MLLT3: variants seen among roughly 807,000 people sequenced by gnomAD.
MLLT3 encodes protein AF-9.
Under a neutral mutation model 53.2 loss-of-function variants are expected in MLLT3, and 4 were observed. That is an observed-to-expected ratio of 0.08 (90% CI 0.04 to 0.17). The LOEUF (loss-of-function observed/expected upper bound fraction) is 0.17, where lower values mean the gene tolerates loss of function less well. Among genes scored for constraint, MLLT3 ranks in the 10% least tolerant of loss-of-function variants. The pLI is 1.00. For synonymous variants in MLLT3, 283 were observed against 230.6 expected, an observed-to-expected ratio of 1.23 and a Z score of -2.06; for missense variants, 569 against 684.0, an observed-to-expected ratio of 0.83 and a Z score of 1.87.
chr9:20,555,509 A>G (rs1819034608), intron 2 of MLLT3, among the ~76,000 whole-genome samples: 2 of 152,180 alleles, frequency 1.3e-5, no homozygotes, highest in African/African-American at 2.4e-5. Context: ...TCACTACTCT[A>G]CTACATTCTA....
chr9:20,576,155 A>G (rs1477584696), intron 2 of MLLT3, among the ~76,000 whole-genome samples: 1 of 152,110 alleles, frequency 6.6e-6, no homozygotes, highest in Non-Finnish European at 1.5e-5. Flanking sequence ...ACAACCTCCA[A>G]ACTATTCTTC....
At chr9:20,409,747 C>G (rs1460607274) in intron 5 of MLLT3, among the ~76,000 whole-genome samples, 2 of 152,196 alleles carry the variant, frequency 1.3e-5, no homozygotes, top group Non-Finnish European at 2.9e-5. Flanking sequence ...CTACCAAATT[C>G]TTCTGTAGGG....
rs769905422 is a variant in MLLT3 at position 20,622,303 on chromosome 9, C to CT, written c.-48dup. 42 of 1,495,226 alleles carry CT rather than the reference C, an allele frequency of 2.8e-5. No individual in the cohort carries two copies. In the South Asian group the frequency reaches 5.2e-4, roughly 18 times the overall value. 92.6% of individuals were successfully genotyped at this position (1,495,226 alleles called of 1,614,324 possible). ...CTGGGGTGTTGTGTGGTACCCCCCC[C>CT]TCCTCCGCCCCCCCTCAGCTGTAAT... On this transcript the variant is annotated 5_prime_UTR_variant, in exon 1 of 11. Transcript: ENST00000380338.
intron 2 of MLLT3, among the ~76,000 whole-genome samples, chr9:20,457,648 G>T (rs901722878): frequency 2.0e-5 from 3 of 151,864 alleles, no homozygotes; most frequent in African/African-American, 7.3e-5. Context: ...CCACCCAAAA[G>T]GAATGTTTAC....
intron 5 of MLLT3, among the ~76,000 whole-genome samples, chr9:20,386,636 C>G (rs1438470806): frequency 1.3e-5 from 2 of 152,070 alleles, no homozygotes; most frequent in Non-Finnish European, 2.9e-5. Context: ...GCCCCAAACT[C>G]CTATTCTAAA....
At chr9:20,403,377 T>G (rs574226872) in intron 5 of MLLT3, among the ~76,000 whole-genome samples, 50 of 152,344 alleles carry the variant, frequency 3.3e-4, no homozygotes, top group African/African-American at 1.1e-3. Context: ...GAGCTGTTAA[T>G]GTATCTACAG....
intron 2 of MLLT3, among the ~76,000 whole-genome samples, chr9:20,617,151 C>T (rs948520438): frequency 1.3e-5 from 2 of 152,292 alleles, no homozygotes; most frequent in Admixed American, 6.5e-5. Flanking sequence ...AGTCACTCAT[C>T]TTCATTTTGT....
chr9:20,504,906 G>A (rs1313904185), intron 2 of MLLT3, among the ~76,000 whole-genome samples: 1 of 151,834 alleles, frequency 6.6e-6, no homozygotes, highest in African/African-American at 2.4e-5. Flanking sequence ...AACTTGATGA[G>A]ACCCATGTTT....
intron 2 of MLLT3, among the ~76,000 whole-genome samples, chr9:20,553,100 A>G (rs1818966261): frequency 6.6e-6 from 1 of 152,206 alleles, no homozygotes. Context: ...TCACCACCAG[A>G]GGTCAGAATC....
intron 2 of MLLT3, among the ~76,000 whole-genome samples, chr9:20,477,150 C>T (rs181741240): frequency 2.0e-5 from 3 of 152,058 alleles, no homozygotes; most frequent in African/African-American, 7.2e-5. Flanking sequence ...TGGACTTAGA[C>T]CCTATTTGTT....
chr9:20,366,935 G>A lies in MLLT3; in HGVS notation c.1126-1191C>T, dbSNP rs533897461. ...ACTGGTTAAAACATAGTGGTAATGA[G>A]GCTAAGGTCATTAGTTCAATCACAC... On this transcript the variant is annotated intron_variant, in intron 5 of 10. Transcript: ENST00000380338. Among the ~76,000 whole-genome samples, 4 of 152,308 alleles carry A rather than the reference G, an allele frequency of 2.6e-5. No individual in the cohort carries two copies. The South Asian group carries it at 8.3e-4, about 32-fold the overall frequency.
Position 20,416,208 on chromosome 9 carries a change from C to G in MLLT3, c.421-1783G>C, listed in dbSNP as rs144823795. ...GAACAACATTTTGAAATCTAATATC[C>G]TTGAGTTTTTTTCAATAGGCTTGTT... On this transcript the variant is annotated intron_variant, in intron 4 of 10. Coordinates refer to ENST00000380338, the MANE Select transcript of MLLT3 (RefSeq NM_004529.4). Among the ~76,000 whole-genome samples the G allele has an allele frequency of 5.9e-5, 9 of 151,742 alleles. No individual in the cohort carries two copies. In the East Asian group the frequency reaches 1.5e-3, roughly 26 times the overall value.
At chr9:20,547,488 C>CA (rs1818817528) in intron 2 of MLLT3, among the ~76,000 whole-genome samples, 2 of 151,640 alleles carry the variant, frequency 1.3e-5, no homozygotes, top group African/African-American at 2.4e-5. Context: ...TATTAAAATA[C>CA]AAAAAAATTA....
At chr9:20,500,245 G>T (rs1442266847) in intron 2 of MLLT3, among the ~76,000 whole-genome samples, 1 of 152,200 alleles carries the variant, frequency 6.6e-6, no homozygotes, top group African/African-American at 2.4e-5. Flanking sequence ...GCTTAATACA[G>T]TTGGTCTTCT....
intron 2 of MLLT3, among the ~76,000 whole-genome samples, chr9:20,486,243 T>C (rs1418762322): frequency 6.6e-6 from 1 of 152,128 alleles, no homozygotes; most frequent in African/African-American, 2.4e-5. Context: ...TTTTCCTACA[T>C]GGCAGCAATA....
intron 5 of MLLT3, among the ~76,000 whole-genome samples, chr9:20,369,196 C>G (rs1821530614): frequency 6.6e-6 from 1 of 152,126 alleles, no homozygotes; most frequent in Admixed American, 6.5e-5. Context: ...ATCACAGAAA[C>G]TCAACAGAAT....
intron 2 of MLLT3, among the ~76,000 whole-genome samples, chr9:20,484,979 T>A (rs969333986): frequency 3.9e-5 from 6 of 151,968 alleles, no homozygotes; most frequent in African/African-American, 1.4e-4. Context: ...TAATTTTATT[T>A]TTATTTTTTT....
chr9:20,493,993 C>G (rs1825015673), intron 2 of MLLT3, among the ~76,000 whole-genome samples: 1 of 152,062 alleles, frequency 6.6e-6, no homozygotes, highest in African/African-American at 2.4e-5. Context: ...CATACTCAAC[C>G]ATCTGAAATG....
At chr9:20,363,955 G>A (rs1382271789) in intron 6 of MLLT3, among the ~76,000 whole-genome samples, 1 of 152,174 alleles carries the variant, frequency 6.6e-6, no homozygotes, top group Non-Finnish European at 1.5e-5. Flanking sequence ...TTGAGAAGTT[G>A]AGATTAATAA....
Sources: allele counts gnomAD v4.1 joint callset (sites outside exome capture counted in the v4.1 genomes callset), GRCh38; gene constraint gnomAD v4.1.1; transcripts MANE v1.5; gene names NCBI Gene and HGNC (gene_info 2026-07-23, HGNC 2026-07-21).